The following BICD1 variants were observed in gnomAD, a reference collection of about 807,000 sequenced individuals.
The protein encoded by BICD1 is protein bicaudal D homolog 1.
Under a neutral mutation model 92.5 loss-of-function variants are expected in BICD1, and 35 were observed. The observed-to-expected ratio is 0.38, with a 90% CI of 0.29 to 0.50. BICD1 has a LOEUF of 0.50. BICD1 is among the 20% of genes least tolerant of loss of function. The pLI is 0.93. For synonymous variants in BICD1, 429 were observed against 465.1 expected, an observed-to-expected ratio of 0.92 and a Z score of 1.00; for missense variants, 950 against 1,189.8, an observed-to-expected ratio of 0.80 and a Z score of 2.97.
At chr12:32,148,151 A>AAAAAAAAAAAAAG (rs1299587614) in intron 1 of BICD1, among the ~76,000 whole-genome samples, 21 of 151,242 alleles carry the variant, frequency 1.4e-4, no homozygotes, top group African/African-American at 5.1e-4. Context: ...CCAAAAAAAA[A>AAAAAAAAAAAAAG]AGAATCTGAG....
At chr12:32,316,966 T>C (rs1592662788) in intron 4 of BICD1, among the ~76,000 whole-genome samples, 1 of 152,214 alleles carries the variant, frequency 6.6e-6, no homozygotes, top group Non-Finnish European at 1.5e-5. Flanking sequence ...TTTGGTTTTT[T>C]TGTCCTTGCG....
chr12:32,111,797 T>G (rs10844127), intron 1 of BICD1, among the ~76,000 whole-genome samples: 26 of 151,554 alleles, frequency 1.7e-4, no homozygotes, highest in Non-Finnish European at 3.4e-4. Flanking sequence ...TTAGTAGAGA[T>G]GGGCTTTCAC....
intron 4 of BICD1, among the ~76,000 whole-genome samples, chr12:32,310,053 T>C (rs1948333474): frequency 6.6e-6 from 1 of 152,110 alleles, no homozygotes; most frequent in Non-Finnish European, 1.5e-5. Flanking sequence ...CTCATGACAG[T>C]GTAGAGGGGC....
At chr12:32,221,021 A>T (rs1475337648) in intron 2 of BICD1, among the ~76,000 whole-genome samples, 1 of 145,816 alleles carries the variant, frequency 6.9e-6, no homozygotes, top group African/African-American at 2.5e-5. Context: ...GCATATTCTC[A>T]CTCATAGGTG....
At chr12:32,244,581 A>G (rs10844159) in intron 2 of BICD1, among the ~76,000 whole-genome samples, 31,183 of 151,782 alleles carry the variant, frequency 0.21, 3,741 homozygotes, top group East Asian at 0.34. Context: ...CATGTAATCC[A>G]TAAATCTCTC....
chr12:32,107,482 C>T lies in BICD1; in HGVS notation c.151C>T (p.Gln51Ter). ...GGAGGAGAAGCTGACCCTCAAACAG[C>T]AGTATGATGAACTGGAGGCTGAGTA... ...VLEEKLTLKQ[Q>*]YDELEAEYDS... Residue 51 changes from glutamine (Q) to a stop codon, truncating the protein, a stop_gained, in exon 1 of 10, where the codon CAG becomes TAG. Coordinates refer to ENST00000652176, the MANE Select transcript of BICD1 (RefSeq NM_001714.4). LOFTEE classifies it high-confidence loss of function. The T allele has an allele frequency of 6.2e-7, 1 of 1,609,568 alleles. No individual in the cohort carries two copies. The highest frequency in any genetic ancestry group is 8.5e-7 in the Non-Finnish European group (1 of 1,178,254).
chr12:32,314,565 A>T (rs1316509943), intron 4 of BICD1, among the ~76,000 whole-genome samples: 2 of 151,954 alleles, frequency 1.3e-5, no homozygotes, highest in East Asian at 3.9e-4. Context: ...CTGCTCTTTT[A>T]TATCTTCTGT....
At chr12:32,172,654 T>TAC (rs1943978831) in intron 1 of BICD1, among the ~76,000 whole-genome samples, 2 of 152,158 alleles carry the variant, frequency 1.3e-5, no homozygotes, top group Non-Finnish European at 2.9e-5. Flanking sequence ...TCCAGAGTGT[T>TAC]TAGTCCTCCA....
intron 2 of BICD1, among the ~76,000 whole-genome samples, chr12:32,265,563 A>C (rs79290486): frequency 4.3e-5 from 6 of 139,528 alleles, no homozygotes; most frequent in Non-Finnish European, 8.1e-5. Context: ...AAAAAAAAAA[A>C]AGTAAAAATT....
At chr12:32,137,385 G>C (rs1431426160) in intron 1 of BICD1, among the ~76,000 whole-genome samples, 2 of 152,082 alleles carry the variant, frequency 1.3e-5, no homozygotes, top group Non-Finnish European at 1.5e-5. Flanking sequence ...CACCGCACCT[G>C]GCCTAAGGTT....
chr12:32,309,907 C>T lies in BICD1; in HGVS notation c.1005+3785C>T, dbSNP rs554737652. 3.9e-5 allele frequency among the ~76,000 whole-genome samples: 6 copies of T among 152,218 alleles called. No individual in the cohort carries two copies. In the South Asian group the frequency reaches 1.2e-3, roughly 32 times the overall value. On this transcript the variant is annotated intron_variant, in intron 4 of 9. Coordinates refer to ENST00000652176, the MANE Select transcript of BICD1 (RefSeq NM_001714.4). Reference sequence around the variant, plus strand: ...AACTCGTTATTTACATTAGGTATATCTCCTAATGCTATCCCTGACAGTTTG... The same window carrying T: ...AACTCGTTATTTACATTAGGTATATTTCCTAATGCTATCCCTGACAGTTTG...
intron 2 of BICD1, among the ~76,000 whole-genome samples, chr12:32,266,857 C>CAA (rs35590465): frequency 0.12 from 16,233 of 137,978 alleles, 1,397 homozygotes; most frequent in African/African-American, 0.24. Context: ...GACTCTGTCT[C>CAA]AAAAAAAAAA....
chr12:32,276,382 C>T (rs1947277806), intron 2 of BICD1, among the ~76,000 whole-genome samples: 1 of 152,122 alleles, frequency 6.6e-6, no homozygotes, highest in South Asian at 2.1e-4. Context: ...TTTCCTAGGC[C>T]GACTAAGAAT....
intron 2 of BICD1, among the ~76,000 whole-genome samples, chr12:32,216,719 T>G (rs1399590283): frequency 6.6e-6 from 1 of 152,190 alleles, no homozygotes; most frequent in East Asian, 1.9e-4. Context: ...TTACTATTTC[T>G]GCAAAGGTAT....
chr12:32,187,187 C>A (rs1337998443), intron 1 of BICD1, among the ~76,000 whole-genome samples: 1 of 152,110 alleles, frequency 6.6e-6, no homozygotes, highest in East Asian at 1.9e-4. Flanking sequence ...AAATTCGTGC[C>A]CAGGAAGATA....
intron 2 of BICD1, among the ~76,000 whole-genome samples, chr12:32,281,822 A>G (rs1387483662): frequency 6.6e-6 from 1 of 152,060 alleles, no homozygotes; most frequent in African/African-American, 2.4e-5. Flanking sequence ...CACCAATCCA[A>G]TCCAGGCTGG....
At chr12:32,290,674 A>G (rs1947702321) in intron 2 of BICD1, among the ~76,000 whole-genome samples, 1 of 151,974 alleles carries the variant, frequency 6.6e-6, no homozygotes, top group Non-Finnish European at 1.5e-5. Flanking sequence ...TTCATCCTCC[A>G]CCTTTTTGAT....
intron 8 of BICD1, among the ~76,000 whole-genome samples, chr12:32,346,535 T>C (rs1382630271): frequency 3.8e-5 from 1 of 26,614 alleles, no homozygotes; most frequent in Non-Finnish European, 7.5e-5. Flanking sequence ...TATATATACG[T>C]GTATATATAT....
At chr12:32,377,166 T>C (rs1478775002) in intron 9 of BICD1, among the ~76,000 whole-genome samples, 1 of 152,094 alleles carries the variant, frequency 6.6e-6, no homozygotes, top group Non-Finnish European at 1.5e-5. Context: ...GCATGCATAT[T>C]AAAGTTTGAA....
Sources: gnomAD v4.1 joint callset for allele counts (sites outside exome capture counted in the v4.1 genomes callset) on GRCh38, gnomAD v4.1.1 for gene constraint, MANE v1.5 for transcripts, NCBI Gene and HGNC (gene_info 2026-07-23, HGNC 2026-07-21) for gene names.